GRID2: variants seen among roughly 807,000 people sequenced by gnomAD.
The protein encoded by GRID2 is glutamate ionotropic receptor delta type subunit 2.
In GRID2, 33 loss-of-function variants were observed where a neutral mutation model predicts 114.8. That is an observed-to-expected ratio of 0.29 (90% CI 0.22 to 0.38). The LOEUF is 0.38. GRID2 is among the 10% of genes least tolerant of loss of function. The pLI is 1.00. For missense variants in GRID2, 1,184 were observed against 1,257.7 expected, an observed-to-expected ratio of 0.94 and a Z score of 0.89; for synonymous variants, 505 against 449.9, an observed-to-expected ratio of 1.12 and a Z score of -1.55.
chr4:92,989,696 A>G (rs1176508080), intron 2 of GRID2, among the ~76,000 whole-genome samples: 5 of 152,176 alleles, frequency 3.3e-5, no homozygotes, highest in African/African-American at 9.6e-5. Flanking sequence ...TTACACACCA[A>G]TATATGCATC....
At chr4:93,678,105 A>C (rs2110082184) in intron 14 of GRID2, among the ~76,000 whole-genome samples, 1 of 152,336 alleles carries the variant, frequency 6.6e-6, no homozygotes, top group Non-Finnish European at 1.5e-5. Context: ...GCCGAAAGCC[A>C]AGGCTCGAGA....
rs1727305064 is a variant in GRID2, at chr4:92,338,559, C to T, written c.88+33815C>T. Among the ~76,000 whole-genome samples, 3 of 151,938 alleles carry T rather than the reference C, an allele frequency of 2.0e-5. No individual in the cohort carries two copies. The South Asian group carries it at 6.2e-4, about 32-fold the overall frequency. On this transcript the variant is annotated intron_variant, in intron 1 of 15. Transcript: ENST00000282020. Reference sequence around the variant, plus strand: ...ACACAAAAACATACACACATATTTGCATATATATAGTATCTCTCAGTTTTA... The same window carrying T: ...ACACAAAAACATACACACATATTTGTATATATATAGTATCTCTCAGTTTTA...
intron 1 of GRID2, among the ~76,000 whole-genome samples, chr4:92,310,466 GA>G (rs1279172258): frequency 1.3e-5 from 2 of 151,946 alleles, no homozygotes; most frequent in South Asian, 2.1e-4. Context: ...TAAAAGATAA[GA>G]AAAAATACTA....
At chr4:93,272,218 C>T (rs1751537998) in intron 8 of GRID2, among the ~76,000 whole-genome samples, 3 of 152,078 alleles carry the variant, frequency 2.0e-5, no homozygotes, top group Admixed American at 2.0e-4. Flanking sequence ...TCAGAGAATC[C>T]CACTTCTTGC....
chr4:93,539,501 TGTTCCTTCACCA>T (rs961529642), intron 13 of GRID2, among the ~76,000 whole-genome samples: 2 of 152,052 alleles, frequency 1.3e-5, no homozygotes, highest in African/African-American at 4.8e-5. Context: ...CTTCACAAAC[TGTTCCTTCACCA>T]ATATTCTGTT....
chr4:93,545,921 G>T (rs906123231), intron 13 of GRID2, among the ~76,000 whole-genome samples: 1 of 152,126 alleles, frequency 6.6e-6, no homozygotes, highest in Non-Finnish European at 1.5e-5. Context: ...ATAAAGCAGC[G>T]ATTTGAAAGA....
chr4:93,286,034 A>G (rs1390338544), intron 8 of GRID2, among the ~76,000 whole-genome samples: 2 of 152,114 alleles, frequency 1.3e-5, no homozygotes, highest in Admixed American at 6.6e-5. Context: ...GCCTACATGT[A>G]TCAAATTTTC....
intron 2 of GRID2, among the ~76,000 whole-genome samples, chr4:93,083,529 T>C (rs545330181): frequency 1.7e-4 from 25 of 151,452 alleles, no homozygotes; most frequent in Admixed American, 5.3e-4. Flanking sequence ...CCGTCTCTAC[T>C]AAAAACACAC....
intron 1 of GRID2, among the ~76,000 whole-genome samples, chr4:92,480,011 G>A (rs564709388): frequency 6.6e-6 from 1 of 152,194 alleles, no homozygotes; most frequent in Admixed American, 6.6e-5. Context: ...ATTGTTTATT[G>A]CATAATGAGT....
At chr4:93,373,866 A>T (rs1176964048) in intron 8 of GRID2, among the ~76,000 whole-genome samples, 2 of 152,224 alleles carry the variant, frequency 1.3e-5, no homozygotes, top group Non-Finnish European at 2.9e-5. Flanking sequence ...AGTATGTAGC[A>T]AGGTGCTTTT....
chr4:92,379,147 T>C (rs1729497316), intron 1 of GRID2, among the ~76,000 whole-genome samples: 1 of 151,988 alleles, frequency 6.6e-6, no homozygotes, highest in Admixed American at 6.6e-5. Flanking sequence ...AAATCAAATA[T>C]TTAAACATGT....
intron 8 of GRID2, among the ~76,000 whole-genome samples, chr4:93,252,139 C>A (rs191073950): frequency 6.6e-6 from 1 of 151,914 alleles, no homozygotes; most frequent in Non-Finnish European, 1.5e-5. Context: ...AATCTTTGCC[C>A]GTGCCTATGT....
intron 8 of GRID2, among the ~76,000 whole-genome samples, chr4:93,270,282 A>G (rs1350198347): frequency 1.3e-5 from 2 of 151,856 alleles, no homozygotes; most frequent in Non-Finnish European, 2.9e-5. Context: ...TTTTTTAAAT[A>G]CAAATGTAAA....
chr4:93,068,770 G>T (rs1352387815), intron 2 of GRID2, among the ~76,000 whole-genome samples: 1 of 151,750 alleles, frequency 6.6e-6, no homozygotes, highest in Non-Finnish European at 1.5e-5. Flanking sequence ...GGGAAGAGAA[G>T]GTGTTAAATG....
intron 2 of GRID2, among the ~76,000 whole-genome samples, chr4:93,022,006 A>G (rs1253019661): frequency 6.6e-6 from 1 of 151,360 alleles, no homozygotes; most frequent in Non-Finnish European, 1.5e-5. Flanking sequence ...CATTGGCAAA[A>G]CCAGAATACA....
chr4:93,214,832 A>T (rs374983504), intron 5 of GRID2, among the ~76,000 whole-genome samples: 1 of 152,064 alleles, frequency 6.6e-6, no homozygotes, highest in East Asian at 1.9e-4. Flanking sequence ...TAAATGCTGA[A>T]ATAATGTATC....
chr4:93,066,985 G>A (rs995131510), intron 2 of GRID2, among the ~76,000 whole-genome samples: 1 of 151,996 alleles, frequency 6.6e-6, no homozygotes, highest in Non-Finnish European at 1.5e-5. Flanking sequence ...AGCATGGTGT[G>A]AGGTTTCATT....
chr4:93,584,874 T>C (rs1471004447), intron 13 of GRID2, among the ~76,000 whole-genome samples: 1 of 152,084 alleles, frequency 6.6e-6, no homozygotes, highest in Non-Finnish European at 1.5e-5. Flanking sequence ...TGCCTAATGA[T>C]TTCCCATCAA....
At chr4:93,171,651 T>G (rs1469239261) in intron 4 of GRID2, among the ~76,000 whole-genome samples, 3 of 152,102 alleles carry the variant, frequency 2.0e-5, no homozygotes, top group African/African-American at 7.2e-5. Context: ...TCCTGTTCAG[T>G]GGAGGGCCAT....
Sources: gnomAD v4.1 joint callset for allele counts (sites outside exome capture counted in the v4.1 genomes callset) on GRCh38, gnomAD v4.1.1 for gene constraint, MANE v1.5 for transcripts, NCBI Gene and HGNC (gene_info 2026-07-23, HGNC 2026-07-21) for gene names.